TRPC3: variants seen among roughly 807,000 people sequenced by gnomAD.
TRPC3 encodes transient receptor potential cation channel subfamily C member 3.
TRPC3 carries 54 observed loss-of-function variants against 90.9 expected under a neutral mutation model. The ratio of observed to expected loss-of-function variants is 0.59; its 90% confidence interval spans 0.48 to 0.75. The LOEUF (loss-of-function observed/expected upper bound fraction) is 0.75. Ranked by LOEUF, TRPC3 falls within the 30% of genes least tolerant of loss-of-function variation. The probability of loss-of-function intolerance (pLI) is 0.00; values close to 1 mark genes in which losing one functional copy is unlikely to be tolerated. For synonymous variants in TRPC3, 424 were observed against 450.9 expected (o/e 0.94, Z 0.75); for missense variants, 918 against 1,194.5 (o/e 0.77, Z 3.41).
chr4:121,909,278 A>G (rs535192735), intron 6 of TRPC3, among the ~76,000 whole-genome samples: 1 of 152,230 alleles, frequency 6.6e-6, no homozygotes, highest in South Asian at 2.1e-4. Context: ...TAACATTAAC[A>G]TGCTCCTTGT....
At chr4:121,914,689 A>G (rs1729236048) in intron 4 of TRPC3, 91 bp downstream of exon 4, 2 of 1,318,118 alleles carry the variant, frequency 1.5e-6, no homozygotes, top group African/African-American at 2.9e-5. Context: ...GGTAAAACTG[A>G]TAAGATTCTT....
intron 1 of TRPC3, among the ~76,000 whole-genome samples, chr4:121,948,526 C>T (rs968620392): frequency 6.6e-5 from 10 of 152,164 alleles, no homozygotes; most frequent in African/African-American, 2.4e-4. Context: ...CAAATTACTG[C>T]TACTTTAAAA....
chr4:121,883,712 T>C (rs1459432741), intron 10 of TRPC3, among the ~76,000 whole-genome samples: 1 of 152,186 alleles, frequency 6.6e-6, no homozygotes, highest in Non-Finnish European at 1.5e-5. Context: ...AATTTAGTAC[T>C]ATCTTTTTAG....
intron 2 of TRPC3, among the ~76,000 whole-genome samples, chr4:121,928,114 A>C (rs1280454851): frequency 6.6e-6 from 1 of 152,208 alleles, no homozygotes; most frequent in Admixed American, 6.5e-5. Flanking sequence ...CCGTGCTTTG[A>C]AGAACACTTA....
intron 10 of TRPC3, among the ~76,000 whole-genome samples, chr4:121,894,568 T>TG (rs1397208311): frequency 1.5e-5 from 2 of 137,568 alleles, no homozygotes; most frequent in Non-Finnish European, 1.6e-5. Flanking sequence ...TTTTTTTTTT[T>TG]TTTTTTTTTT....
chr4:121,915,383 C>T (rs72680796), intron 3 of TRPC3, among the ~76,000 whole-genome samples: 4,076 of 152,260 alleles, frequency 0.027, 76 homozygotes, highest in Middle Eastern at 0.048. Flanking sequence ...TGTGAAGTTT[C>T]GCGAGCAACC....
intron 1 of TRPC3, among the ~76,000 whole-genome samples, chr4:121,944,448 A>C (rs909202082): frequency 6.6e-6 from 1 of 151,964 alleles, no homozygotes; most frequent in African/African-American, 2.4e-5. Context: ...GGTTTATGGG[A>C]TATTGTAGGC....
Position 121,932,737 on chromosome 4 carries a change from C to A in TRPC3, c.521G>T (p.Arg174Leu). The A allele has an allele frequency of 6.2e-6, 10 of 1,613,848 alleles. No homozygotes were observed. Among genetic ancestry groups the A allele is most frequent in the African/African-American group, 1.3e-5 (1 of 75,070 alleles). The change falls in exon 2 of 12, where the codon CGC becomes CTC. Residue 174 changes from arginine to leucine, a missense_variant. By Grantham distance (102) the Arg-to-Leu change is moderately radical. Around this residue, in one of 4 missense-constraint regions of TRPC3, gnomAD observed 609 missense variants for 725.9 expected, o/e 0.84. Transcript: ENST00000379645. This position sits in a 1 kb window ranked among gnomAD's most constrained non-coding sequence, Gnocchi z 7.7. ...GGCGAGCAGCAGGGCGTCGCCAATG[C>A]GCGCCAGGTTCTCCTTCTTGAGCAG... ...ELLLKKENLA[R>L]IGDALLLAIS...
rs1446566141 is a variant in TRPC3 at position 121,875,306 on chromosome 4, G to C, written c.*4430C>G. Among the ~76,000 whole-genome samples, 1 of 152,080 alleles carries C rather than the reference G, an allele frequency of 6.6e-6. No homozygotes were observed. The highest frequency in any genetic ancestry group is 1.5e-5 in the Non-Finnish European group (1 of 67,996). Reference sequence around the variant, plus strand: ...ATATAGCATCAAAACAATACAAAAAGTTTGCATAATATGATATTTGGAATT... The same window carrying C: ...ATATAGCATCAAAACAATACAAAAACTTTGCATAATATGATATTTGGAATT... On this transcript the variant is annotated 3_prime_UTR_variant, in exon 12 of 12. Transcript: ENST00000379645.
chr4:121,932,563 G>A lies in TRPC3; in HGVS notation c.695C>T (p.Pro232Leu). ...CGCCAGGATGATGGGGGTGATGTCC[G>A]GCGAGAAGCGCGTGCCGTCCTCGTC... Reference protein sequence around the residue: ...AYDEDGTRFSPDITPIILAAH... With the variant: ...AYDEDGTRFSLDITPIILAAH... Residue 232 changes from proline to leucine, a missense_variant, in exon 2 of 12, where the codon CCG becomes CTG. By Grantham distance (98) the Pro-to-Leu change is moderately conservative. Around this residue, in one of 4 missense-constraint regions of TRPC3, gnomAD observed 609 missense variants for 725.9 expected, o/e 0.84. Coordinates refer to ENST00000379645, the MANE Select transcript of TRPC3 (RefSeq NM_001130698.2). This position sits in a 1 kb window ranked among gnomAD's most constrained non-coding sequence, Gnocchi z 7.7. The A allele has an allele frequency of 3.7e-6, 6 of 1,614,220 alleles. No individual in the cohort carries two copies. The highest frequency in any genetic ancestry group is 5.1e-6 in the Non-Finnish European group (6 of 1,180,032).
intron 1 of TRPC3, among the ~76,000 whole-genome samples, chr4:121,935,268 A>G (rs1419393265): frequency 1.3e-5 from 2 of 152,164 alleles, no homozygotes; most frequent in Non-Finnish European, 2.9e-5. Context: ...AAACCATTAC[A>G]TTATAATCTT....
intron 3 of TRPC3, among the ~76,000 whole-genome samples, chr4:121,920,128 G>A (rs1729452118): frequency 6.6e-6 from 1 of 152,102 alleles, no homozygotes; most frequent in Admixed American, 6.5e-5. Context: ...ATCTTCCAGT[G>A]TATTCCATTC....
intron 2 of TRPC3, among the ~76,000 whole-genome samples, chr4:121,931,217 C>G (rs562801029): frequency 2.0e-5 from 3 of 152,230 alleles, no homozygotes; most frequent in African/African-American, 7.2e-5. Context: ...ACTATAAAAA[C>G]CATATTCAGA....
At chr4:121,930,731 CT>C in intron 2 of TRPC3, 1 of 325,148 alleles carries the variant, frequency 3.1e-6, no homozygotes, top group South Asian at 2.4e-5. Context: ...GTTTTAATTA[CT>C]GTTTCAAAAC....
At chr4:121,897,471 A>ATTCC in intron 10 of TRPC3, among the ~76,000 whole-genome samples, 2 of 141,956 alleles carry the variant, frequency 1.4e-5, no homozygotes, top group African/African-American at 5.4e-5. Flanking sequence ...AAAAAAAAAA[A>ATTCC]AAAAAAAAAA....
Position 121,875,131 on chromosome 4 carries a change from T to TA in TRPC3, c.*4604dup, listed in dbSNP as rs34936358. ...AAATACTATGGTTCTAATAAATAGG[T>TA]AAAAAAAAAAACACCAAAGACAGAC... On this transcript the variant is annotated 3_prime_UTR_variant, in exon 12 of 12. Transcript: ENST00000379645. Among the ~76,000 whole-genome samples the TA allele has an allele frequency of 1.6e-3, 245 of 149,706 alleles. No homozygotes were observed. The highest frequency in any genetic ancestry group is 5.6e-3 in the African/African-American group (231 of 40,972).
chr4:121,927,441 A>G (rs1358450784), intron 2 of TRPC3, among the ~76,000 whole-genome samples: 2 of 152,214 alleles, frequency 1.3e-5, no homozygotes, highest in Non-Finnish European at 2.9e-5. Context: ...ATAATAATCT[A>G]ATGTGAAATG....
At chr4:121,879,970 G>T (rs553526191) in intron 11 of TRPC3, 92 bp from the exon 12 acceptor site, 1 of 1,243,730 alleles carries the variant, frequency 8.0e-7, no homozygotes. Context: ...CAATGTATTT[G>T]CTTCATAAGG....
chr4:121,930,437 T>C (rs913817487), intron 2 of TRPC3, among the ~76,000 whole-genome samples: 1 of 152,258 alleles, frequency 6.6e-6, no homozygotes, highest in African/African-American at 2.4e-5. Flanking sequence ...AGGTGACCCT[T>C]TAAGTCAGAA....
Sources: gnomAD v4.1 joint callset for allele counts (sites outside exome capture counted in the v4.1 genomes callset) on GRCh38, gnomAD v4.1.1 for gene constraint, gnomAD v4.1.1 regional missense constraint, Gnocchi (gnomAD v3.1) non-coding constraint, MANE v1.5 for transcripts, NCBI Gene and HGNC (gene_info 2026-07-23, HGNC 2026-07-21) for gene names.